ZNF213: variants seen among roughly 807,000 people sequenced by gnomAD.
ZNF213 encodes putative transcription factor CR53.
In ZNF213, 32 loss-of-function variants were observed where a neutral mutation model predicts 46.0. That is an observed-to-expected ratio of 0.70 (90% confidence interval 0.52 to 0.93). The LOEUF is 0.93. Ranked by LOEUF, ZNF213 falls within the 40% of genes least tolerant of loss-of-function variation. The pLI is 0.00. For synonymous variants in ZNF213, 297 were observed against 271.0 expected (o/e 1.10, Z -0.94); for missense variants, 639 against 652.8 (o/e 0.98, Z 0.23).
At chr16:3,136,774 ACACGAGTGGGTATAGCT>A (rs926699263) in intron 1 of ZNF213, among the ~76,000 whole-genome samples, 1 of 152,194 alleles carries the variant, frequency 6.6e-6, no homozygotes, top group African/African-American at 2.4e-5. Context: ...ACAGAAAAAC[ACACGAGTGGGTATAGCT>A]CAATGAAATT....
intron 1 of ZNF213, 52 bp from the exon 2 acceptor site, chr16:3,137,114 C>T (rs551551296): frequency 8.0e-6 from 7 of 873,702 alleles, no homozygotes; most frequent in Non-Finnish European, 1.0e-5. Context: ...GGGGTTTGCT[C>T]GTGTATTCCA....
In ZNF213 at chr16:3,141,233, G is replaced by A; in HGVS notation, c.1266G>A (p.Val422=). The change falls in exon 6 of 6, where the codon GTG becomes GTA. Residue 422 remains valine, a synonymous_variant. Coordinates refer to ENST00000396878, the MANE Select transcript of ZNF213 (RefSeq NM_004220.3). The stretch of plus-strand genomic sequence containing the variant: ...CCTACCTGCTGGACCATCGGCGTGT[G>A]CACACCGGTGAGCGGCCCTTCGGCT... ...LRSYLLDHRR[V]HTGERPFGCG... The A allele has an allele frequency of 6.2e-7, 1 of 1,612,550 alleles. No individual in the cohort carries two copies.
chr16:3,140,572 C>G, intron 5 of ZNF213, 117 bp from the exon 6 acceptor site: 1 of 1,371,626 alleles, frequency 7.3e-7, no homozygotes, highest in South Asian at 1.9e-5. Context: ...GCTGTGTGAA[C>G]CCAGGGCTTT....
In ZNF213 at chr16:3,137,202, G is replaced by A; in HGVS notation, c.-79G>A. 1 of 1,503,816 alleles carries A rather than the reference G, an allele frequency of 6.6e-7. No individual in the cohort carries two copies. Among genetic ancestry groups the A allele is most frequent in the African/African-American group, 1.4e-5 (1 of 71,582 alleles). The allele number at this position is 1,503,816 out of a possible 1,614,324, so 93.2% of individuals were successfully genotyped here. A position where few individuals can be genotyped will look rare whatever the true frequency, so the allele number is the denominator to read the frequency against. ...CAGATGCCAGCCCAGCTACCACAGG[G>A]GATCCCTCTGGGAGACTGAAAGTAC... On this transcript the variant is annotated 5_prime_UTR_variant, in exon 2 of 6. Transcript: ENST00000396878.
In ZNF213 at chr16:3,138,523, G is replaced by A. The variant is rs1306572292; in HGVS notation, c.505G>A (p.Glu169Lys). 5 of 1,614,088 alleles carry A rather than the reference G, an allele frequency of 3.1e-6. No homozygotes were observed. The African/African-American group carries it at 4.0e-5, about 13-fold the overall frequency. ...ACGGAGGCGGCCGTCTGTTCCCCAG[G>A]AGCAGCACAGCCATAGCGGTGAGTA... ...GARRRPSVPQEQHSHSAQPPA... is the reference protein window; with the variant it reads ...GARRRPSVPQKQHSHSAQPPA... Residue 169 changes from glutamate to lysine, a missense_variant, in exon 3 of 6, where the codon GAG becomes AAG. Transcript: ENST00000396878.
chr16:3,137,870 A>T lies in ZNF213; in HGVS notation c.399+191A>T, dbSNP rs527770070. 5 of 741,110 alleles carry T rather than the reference A, an allele frequency of 6.7e-6. No homozygotes were observed. In the African/African-American group the frequency reaches 8.9e-5, roughly 13 times the overall value. 45.9% of individuals were successfully genotyped at this position (741,110 alleles called of 1,614,324 possible). On this transcript the variant is annotated intron_variant, in intron 2 of 5. Transcript: ENST00000396878. ...ATGCGATCCAAAGTAAATGTGATTT[A>T]TTTTTTGTGGCTTTGGAAGGCAGCA...
chr16:3,138,483 C>A lies in ZNF213; in HGVS notation c.465C>A (p.Pro155=). ...AGRGSQATGP[P]PTVGARRRPS... is the part of the protein sequence containing the mutation. The stretch of plus-strand genomic sequence containing the variant: ...GGGGATCCCAGGCCACGGGGCCTCC[C>A]CCGACGGTGGGGGCACGGAGGCGGC... The change falls in exon 3 of 6, where the codon CCC becomes CCA. Residue 155 remains proline (P), a synonymous_variant. Coordinates refer to ENST00000396878, the MANE Select transcript of ZNF213 (RefSeq NM_004220.3). The A allele has an allele frequency of 6.2e-7, 1 of 1,613,510 alleles. No individual in the cohort carries two copies. Among genetic ancestry groups the A allele is most frequent in the Non-Finnish European group, 8.5e-7 (1 of 1,179,780 alleles).
In ZNF213 at chr16:3,142,580, G is replaced by A. The variant is rs147866526; in HGVS notation, c.*1233G>A. 446 of 138,140 alleles carry A rather than the reference G, an allele frequency of 3.2e-3. 6 individuals carry two copies. Among genetic ancestry groups the A allele is most frequent in the African/African-American group, 0.012 (411 of 35,574 alleles). 8.6% of individuals were successfully genotyped at this position (138,140 alleles called of 1,614,324 possible). A position where few individuals can be genotyped will look rare whatever the true frequency, so the allele number is the denominator to read the frequency against. On this transcript the variant is annotated 3_prime_UTR_variant, in exon 6 of 6. Coordinates refer to ENST00000396878, the MANE Select transcript of ZNF213 (RefSeq NM_004220.3). Reference sequence around the variant, plus strand: ...GGTGCCCCATTCCATCGGCACTAACGCCCCGCTCCACCGGCACCAGTGCCT... The same window carrying A: ...GGTGCCCCATTCCATCGGCACTAACACCCCGCTCCACCGGCACCAGTGCCT...
At chr16:3,138,033 GA>G in intron 2 of ZNF213, 4 of 461,600 alleles carry the variant, frequency 8.7e-6, no homozygotes, top group Non-Finnish European at 1.6e-5. Context: ...AGTGGGGCGA[GA>G]AGGTGGAGCT....
intron 1 of ZNF213, among the ~76,000 whole-genome samples, chr16:3,136,128 G>C (rs1331646630): frequency 6.6e-6 from 1 of 152,138 alleles, no homozygotes; most frequent in Non-Finnish European, 1.5e-5. Flanking sequence ...ACCAAGCCCG[G>C]CCAGTTTGTA....
chr16:3,137,899 G>C (rs2141534974), intron 2 of ZNF213: 1 of 621,214 alleles, frequency 1.6e-6, no homozygotes, highest in East Asian at 2.8e-5. Flanking sequence ...GGCAGCAATA[G>C]GGCTGAAGTG....
chr16:3,138,888 G>C, intron 4 of ZNF213, 70 bp downstream of exon 4: 1 of 1,613,536 alleles, frequency 6.2e-7, no homozygotes, highest in South Asian at 1.1e-5. Context: ...GGGACTTGCT[G>C]TCCCATCAGG....
intron 5 of ZNF213, 65 bp from the exon 6 acceptor site, chr16:3,140,624 T>C (rs887697266): frequency 1.4e-6 from 2 of 1,445,824 alleles, no homozygotes; most frequent in Admixed American, 2.8e-5. Flanking sequence ...CCTTGTTTCT[T>C]CCTCACCTCA....
chr16:3,138,907 A>G (rs769280126), intron 4 of ZNF213, 68 bp from the exon 5 acceptor site: 12 of 1,613,470 alleles, frequency 7.4e-6, no homozygotes, highest in East Asian at 2.2e-5. Context: ...GGCCTCTTTC[A>G]TCTGACCCAT....
At chr16:3,140,398 T>C (rs1957590032) in intron 5 of ZNF213, 1 of 267,504 alleles carries the variant, frequency 3.7e-6, no homozygotes, top group African/African-American at 2.2e-5. Flanking sequence ...ATTTTTGCAT[T>C]TTTTAATAGA....
At position 3,137,251 on chromosome 16, in the gene ZNF213, C is replaced by A; in HGVS notation, c.-30C>A. ...ACAGGTTCTGGGGCCCAGGTTGAAGCCGACCAACCCTGAGCCTCAGGCCAG... is the reference window on the plus strand; with the variant it reads ...ACAGGTTCTGGGGCCCAGGTTGAAGACGACCAACCCTGAGCCTCAGGCCAG... On this transcript the variant is annotated 5_prime_UTR_variant, in exon 2 of 6. Coordinates refer to ENST00000396878, the MANE Select transcript of ZNF213 (RefSeq NM_004220.3). 1.3e-6 allele frequency: 2 copies of A among 1,540,588 alleles called. No homozygotes were observed. Among genetic ancestry groups the A allele is most frequent in the South Asian group, 1.3e-5 (1 of 79,304 alleles).
chr16:3,141,453 G>A lies in ZNF213; in HGVS notation c.*106G>A. On this transcript the variant is annotated 3_prime_UTR_variant, in exon 6 of 6. Coordinates refer to ENST00000396878, the MANE Select transcript of ZNF213 (RefSeq NM_004220.3). ...TCTGTGGCCACCTCCCGGGCTGTCC[G>A]AGGGACCCCAGGGTACCTCACACTC... The A allele has an allele frequency of 7.6e-7, 1 of 1,323,842 alleles. No individual in the cohort carries two copies. The highest frequency in any genetic ancestry group is 1.0e-6 in the Non-Finnish European group (1 of 996,890). 82.0% of individuals were successfully genotyped at this position (1,323,842 alleles called of 1,614,324 possible).
At position 3,141,525 on chromosome 16, in the gene ZNF213, A is replaced by G. The variant is rs1957604361; in HGVS notation, c.*178A>G. ...GCTCTGAGGACCTGCCCAGCGCTCAAAGGGAACGGAAGCCTTCCCCTCCCG... is the reference window on the plus strand; with the variant it reads ...GCTCTGAGGACCTGCCCAGCGCTCAGAGGGAACGGAAGCCTTCCCCTCCCG... On this transcript the variant is annotated 3_prime_UTR_variant, in exon 6 of 6. Coordinates refer to ENST00000396878, the MANE Select transcript of ZNF213 (RefSeq NM_004220.3). 1.5e-6 allele frequency: 1 copy of G among 655,890 alleles called. No homozygotes were observed. The highest frequency in any genetic ancestry group is 3.4e-5 in the Admixed American group (1 of 29,314). 40.6% of individuals were successfully genotyped at this position (655,890 alleles called of 1,614,324 possible). A position where few individuals can be genotyped will look rare whatever the true frequency, so the allele number is the denominator to read the frequency against.
chr16:3,142,291 C>T lies in ZNF213; in HGVS notation c.*944C>T, dbSNP rs536751629. On this transcript the variant is annotated 3_prime_UTR_variant, in exon 6 of 6. Coordinates refer to ENST00000396878, the MANE Select transcript of ZNF213 (RefSeq NM_004220.3). The stretch of plus-strand genomic sequence containing the variant: ...GCTCCATCGGCACTAATGCCCCACT[C>T]GGCGCCCCACTCCATCAGCACTAAT... 7 of 197,580 alleles carry T rather than the reference C, an allele frequency of 3.5e-5. No homozygotes were observed. Among genetic ancestry groups the T allele is most frequent in the Middle Eastern group, 4.3e-3 (2 of 462 alleles). The allele number at this position is 197,580 out of a possible 1,614,324, so 12.2% of individuals were successfully genotyped here. A position where few individuals can be genotyped will look rare whatever the true frequency, so the allele number is the denominator to read the frequency against.
Sources: gnomAD v4.1 joint callset for allele counts (sites outside exome capture counted in the v4.1 genomes callset) on GRCh38, gnomAD v4.1.1 for gene constraint, MANE v1.5 for transcripts, NCBI Gene and HGNC (gene_info 2026-07-23, HGNC 2026-07-21) for gene names.